Variants in RASSF3 observed in about 807,000 individuals in gnomAD.
The protein encoded by RASSF3 is ras association domain-containing protein 3.
A neutral mutation model predicts 19.9 loss-of-function variants in RASSF3; 19 were observed. The observed-to-expected ratio is 0.96, with a 90% CI of 0.67 to 1.40. The LOEUF (loss-of-function observed/expected upper bound fraction) is 1.40, where lower values mean the gene tolerates loss of function less well. Among genes scored for constraint, RASSF3 ranks in the 40% most tolerant of loss-of-function variants. The pLI, the probability that RASSF3 is intolerant of heterozygous loss-of-function variation, is 0.00. For synonymous variants in RASSF3, 110 were observed against 104.2 expected, an observed-to-expected ratio of 1.06 and a Z score of -0.34; for missense variants, 306 against 289.8, an observed-to-expected ratio of 1.06 and a Z score of -0.41.
rs563022370 is a variant in RASSF3, at chr12:64,695,374, A to G, written c.*462A>G. The G allele has an allele frequency of 6.5e-6, 1 of 153,468 alleles. No individual in the cohort carries two copies. The highest frequency in any genetic ancestry group is 1.5e-5 in the Non-Finnish European group (1 of 68,944). 9.5% of individuals were successfully genotyped at this position (153,468 alleles called of 1,614,324 possible). On this transcript the variant is annotated 3_prime_UTR_variant, in exon 5 of 5. Transcript: ENST00000542104. ...GTTTTCTTTTTTTAATGTCAGAGGAATCTATCCATGTGAATCGAAAGGCAC... is the reference window on the plus strand; with the variant it reads ...GTTTTCTTTTTTTAATGTCAGAGGAGTCTATCCATGTGAATCGAAAGGCAC...
intron 1 of RASSF3, chr12:64,541,528 G>A (rs1422767630): frequency 5.0e-6 from 2 of 398,068 alleles, no homozygotes; most frequent in Non-Finnish European, 8.9e-6. Context: ...CCTGTTGGAT[G>A]AACAGAGAAC....
chr12:64,692,044 C>T (rs753036351), intron 4 of RASSF3, among the ~76,000 whole-genome samples: 11 of 152,024 alleles, frequency 7.2e-5, no homozygotes, highest in Non-Finnish European at 1.5e-4. Flanking sequence ...TTTCTAGCAT[C>T]TTTTTTTTCC....
At chr12:64,685,758 C>T (rs1330750962) in intron 2 of RASSF3, among the ~76,000 whole-genome samples, 1 of 152,174 alleles carries the variant, frequency 6.6e-6, no homozygotes, top group Non-Finnish European at 1.5e-5. Flanking sequence ...GAGGGAGAAG[C>T]CTCAGGGCCT....
upstream of RASSF3, among the ~76,000 whole-genome samples, chr12:64,607,312 TATC>T (rs1047148709): frequency 6.6e-6 from 1 of 151,258 alleles, no homozygotes; most frequent in African/African-American, 2.4e-5. Flanking sequence ...AATATGCAAA[TATC>T]ATTATGCTGC....
intron 2 of RASSF3, among the ~76,000 whole-genome samples, chr12:64,588,000 A>T (rs1215433907): frequency 6.6e-6 from 1 of 152,242 alleles, no homozygotes; most frequent in Non-Finnish European, 1.5e-5. Context: ...ATCAGGAAAG[A>T]GCGAGTTATT....
intron 1 of RASSF3, among the ~76,000 whole-genome samples, chr12:64,533,890 C>T (rs935636392): frequency 5.9e-5 from 9 of 152,192 alleles, no homozygotes; most frequent in African/African-American, 2.2e-4. Flanking sequence ...CTTGGTAGAG[C>T]TTGGGGCTTC....
intron 2 of RASSF3, among the ~76,000 whole-genome samples, chr12:64,591,259 G>A (rs183186318): frequency 0.013 from 1,998 of 152,096 alleles, 48 homozygotes; most frequent in African/African-American, 0.045. Flanking sequence ...GGCGGATCAC[G>A]AGGTCAGGAG....
At chr12:64,687,557 C>T (rs748048289) in intron 2 of RASSF3, among the ~76,000 whole-genome samples, 4 of 151,738 alleles carry the variant, frequency 2.6e-5, no homozygotes, top group Non-Finnish European at 5.9e-5. Context: ...TCATTGCAAC[C>T]TCCACCTTCT....
intron 1 of RASSF3, among the ~76,000 whole-genome samples, chr12:64,649,615 T>C (rs1871867445): frequency 1.3e-5 from 2 of 152,154 alleles, no homozygotes; most frequent in Admixed American, 1.3e-4. Context: ...TATCTCTGAG[T>C]TCTCAGGGAA....
At chr12:64,588,964 T>A (rs549646722) in intron 2 of RASSF3, among the ~76,000 whole-genome samples, 2 of 152,230 alleles carry the variant, frequency 1.3e-5, no homozygotes, top group Non-Finnish European at 2.9e-5. Flanking sequence ...CCTATAATTT[T>A]TCACGTGACT....
chr12:64,660,826 T>C (rs1416893727), intron 1 of RASSF3, among the ~76,000 whole-genome samples: 1 of 152,196 alleles, frequency 6.6e-6, no homozygotes, highest in Non-Finnish European at 1.5e-5. Flanking sequence ...TTAGTAGTCC[T>C]TTCCTGCCTC....
chr12:64,690,090 C>T (rs1351001709), intron 3 of RASSF3, among the ~76,000 whole-genome samples: 10 of 150,572 alleles, frequency 6.6e-5, no homozygotes, highest in Non-Finnish European at 1.3e-4. Context: ...CGCCTGGCCT[C>T]GCTAATTCTT....
chr12:64,688,533 G>T, intron 3 of RASSF3, 80 bp downstream of exon 3: 1 of 1,025,140 alleles, frequency 9.8e-7, no homozygotes. Context: ...GAAGACTGGT[G>T]GGTCTCATCC....
At chr12:64,634,762 T>TAAAA (rs57235286) in intron 1 of RASSF3, among the ~76,000 whole-genome samples, 25 of 90,970 alleles carry the variant, frequency 2.7e-4, no homozygotes, top group African/African-American at 7.9e-4. Flanking sequence ...CACCATCTCA[T>TAAAA]AAAAAAAAAA....
At chr12:64,566,578 A>G (rs75241052) in intron 2 of RASSF3, among the ~76,000 whole-genome samples, 1,979 of 152,274 alleles carry the variant, frequency 0.013, 40 homozygotes, top group African/African-American at 0.045. Flanking sequence ...CCAAGAGTAG[A>G]GGTGAAAAAG....
intron 1 of RASSF3, among the ~76,000 whole-genome samples, chr12:64,535,788 A>G (rs1254732937): frequency 6.8e-6 from 1 of 146,740 alleles, no homozygotes; most frequent in Admixed American, 6.9e-5. Context: ...TCCGGGTTCC[A>G]GTGATTCTCC....
chr12:64,632,616 G>A (rs1387300091), intron 1 of RASSF3, among the ~76,000 whole-genome samples: 1 of 152,088 alleles, frequency 6.6e-6, no homozygotes, highest in African/African-American at 2.4e-5. Flanking sequence ...AGGTATGGAA[G>A]GTGGCTGGGT....
At chr12:64,639,734 A>AT (rs1206685874) in intron 1 of RASSF3, among the ~76,000 whole-genome samples, 22 of 152,114 alleles carry the variant, frequency 1.4e-4, no homozygotes, top group African/African-American at 5.1e-4. Flanking sequence ...GTTCCTTCAT[A>AT]TTTTTTTCAC....
At chr12:64,615,484 C>T (rs1489704260) in intron 1 of RASSF3, among the ~76,000 whole-genome samples, 2 of 152,198 alleles carry the variant, frequency 1.3e-5, no homozygotes, top group East Asian at 1.9e-4. Flanking sequence ...GCCTCAACTT[C>T]ACCCTTTCGG....
Sources: allele counts gnomAD v4.1 joint callset (sites outside exome capture counted in the v4.1 genomes callset), GRCh38; gene constraint gnomAD v4.1.1; transcripts MANE v1.5; gene names NCBI Gene and HGNC (gene_info 2026-07-23, HGNC 2026-07-21).